SPTLC3: variants seen among roughly 807,000 people sequenced by gnomAD.
SPTLC3 encodes serine palmitoyltransferase 3.
Under a neutral mutation model 59.3 loss-of-function variants are expected in SPTLC3, and 36 were observed. The ratio of observed to expected loss-of-function variants is 0.61; its 90% CI spans 0.47 to 0.80. The LOEUF (loss-of-function observed/expected upper bound fraction) is 0.80, where lower values mean the gene tolerates loss of function less well. Ranked by LOEUF, SPTLC3 falls within the 30% of genes least tolerant of loss-of-function variation. The pLI, the probability that SPTLC3 is intolerant of heterozygous loss-of-function variation, is 0.00. For missense variants in SPTLC3, 625 were observed against 685.1 expected, an observed-to-expected ratio of 0.91 and a Z score of 0.98; for synonymous variants, 257 against 240.8, an observed-to-expected ratio of 1.07 and a Z score of -0.62.
chr20:13,073,890 T>A (rs920902081), intron 3 of SPTLC3: 1 of 551,148 alleles, frequency 1.8e-6, no homozygotes. Context: ...AGGACGGTCC[T>A]GTTTGTTGGT....
At position 13,163,025 on chromosome 20, in the gene SPTLC3, C is replaced by T. The variant is rs141905478; in HGVS notation, c.1546-1729C>T. ...TGATCTATGCAATACCAATATATTA[C>T]GTACATTATATAAGAGACACACAAA... On this transcript the variant is annotated intron_variant, in intron 11 of 11. Transcript: ENST00000399002. Among the ~76,000 whole-genome samples, 70 of 152,196 alleles carry T rather than the reference C, an allele frequency of 4.6e-4. 2 individuals are homozygous for T. In the East Asian group the frequency reaches 0.013, roughly 28 times the overall value.
intron 1 of SPTLC3, among the ~76,000 whole-genome samples, chr20:13,032,233 G>A (rs887238455): frequency 4.6e-5 from 7 of 152,120 alleles, no homozygotes; most frequent in African/African-American, 1.7e-4. Context: ...TCAGAATAAT[G>A]CAGCCATTGC....
intron 4 of SPTLC3, 55 bp downstream of exon 4, chr20:13,074,552 G>A: frequency 6.5e-7 from 1 of 1,546,522 alleles, no homozygotes. Flanking sequence ...GATTCCTTGT[G>A]TCTGTCTCTC....
At chr20:13,034,945 A>C (rs1986669706) in intron 1 of SPTLC3, among the ~76,000 whole-genome samples, 1 of 152,068 alleles carries the variant, frequency 6.6e-6, no homozygotes, top group South Asian at 2.1e-4. Context: ...ATCTATCCTG[A>C]TGTTCTCAAT....
intron 2 of SPTLC3, among the ~76,000 whole-genome samples, chr20:13,061,256 T>A (rs921568895): frequency 6.6e-6 from 1 of 152,186 alleles, no homozygotes; most frequent in Non-Finnish European, 1.5e-5. Flanking sequence ...GAAAGCTGCA[T>A]ATCATCACAG....
At chr20:13,043,707 T>C (rs1009947546) in intron 1 of SPTLC3, among the ~76,000 whole-genome samples, 1 of 152,208 alleles carries the variant, frequency 6.6e-6, no homozygotes, top group African/African-American at 2.4e-5. Flanking sequence ...TAAGCTCCTA[T>C]ATACACTCAG....
intron 1 of SPTLC3, among the ~76,000 whole-genome samples, chr20:13,015,830 A>C (rs138451913): frequency 7.1e-4 from 108 of 152,262 alleles, no homozygotes; most frequent in African/African-American, 2.5e-3. Flanking sequence ...TTAAAGTATA[A>C]GAAAATATCA....
intron 1 of SPTLC3, among the ~76,000 whole-genome samples, chr20:13,040,579 C>T (rs1273994908): frequency 2.0e-5 from 3 of 151,986 alleles, no homozygotes; most frequent in Non-Finnish European, 2.9e-5. Flanking sequence ...AGGATGGTCT[C>T]GATCTCCTAA....
At chr20:13,085,564 TG>T (rs1386921564) in intron 4 of SPTLC3, among the ~76,000 whole-genome samples, 6 of 152,172 alleles carry the variant, frequency 3.9e-5, no homozygotes, top group African/African-American at 1.4e-4. Flanking sequence ...GGACCAAAAG[TG>T]GCTACGGTTA....
At chr20:13,053,734 G>A (rs182416141) in intron 2 of SPTLC3, among the ~76,000 whole-genome samples, 9 of 152,078 alleles carry the variant, frequency 5.9e-5, no homozygotes, top group Non-Finnish European at 7.4e-5. Flanking sequence ...CAAAAACTTC[G>A]TGAAGCATAC....
chr20:13,158,429 G>A (rs1470135769), intron 10 of SPTLC3, among the ~76,000 whole-genome samples: 5 of 152,144 alleles, frequency 3.3e-5, no homozygotes, highest in African/African-American at 1.2e-4. Context: ...TTGGCAAAAC[G>A]TGCTTCCTTT....
chr20:13,155,955 T>C (rs2038759095), intron 10 of SPTLC3, among the ~76,000 whole-genome samples: 1 of 152,218 alleles, frequency 6.6e-6, no homozygotes, highest in Non-Finnish European at 1.5e-5. Flanking sequence ...ACAGACATGT[T>C]ATATATCATA....
At chr20:13,036,639 T>C (rs778310888) in intron 1 of SPTLC3, among the ~76,000 whole-genome samples, 1 of 152,122 alleles carries the variant, frequency 6.6e-6, no homozygotes, top group African/African-American at 2.4e-5. Flanking sequence ...GATTTTTGAC[T>C]GCACAGAAGG....
At chr20:13,063,623 A>T (rs1270570503) in intron 2 of SPTLC3, among the ~76,000 whole-genome samples, 2 of 149,230 alleles carry the variant, frequency 1.3e-5, no homozygotes, top group East Asian at 3.9e-4. Context: ...ACTATTTTTT[A>T]AATTTTTTTT....
chr20:13,120,526 T>C (rs980888023), intron 8 of SPTLC3, among the ~76,000 whole-genome samples: 18 of 152,196 alleles, frequency 1.2e-4, no homozygotes, highest in African/African-American at 4.3e-4. Context: ...CTCTTAACTC[T>C]CTTTTTAAGT....
In SPTLC3 at chr20:13,078,214, AAT is replaced by A. The variant is rs1405069385; in HGVS notation, c.607+3721_607+3722del. Among the ~76,000 whole-genome samples the A allele has an allele frequency of 2.1e-4, 12 of 55,954 alleles. No homozygotes were observed. The East Asian group carries it at 3.0e-3, about 14-fold the overall frequency. 36.7% of individuals were successfully genotyped at this position (55,954 alleles called of 152,430 possible). ...TAAATATAAATATTTTATAAGTAATAATATAATATTATACATAGTATATATAA... is the reference window on the plus strand; with the variant it reads ...TAAATATAAATATTTTATAAGTAATAATAATATTATACATAGTATATATAA... On this transcript the variant is annotated intron_variant, in intron 4 of 11. Transcript: ENST00000399002.
chr20:13,050,733 G>C (rs952195472), intron 2 of SPTLC3: 1 of 152,182 alleles, frequency 6.6e-6, no homozygotes, highest in Non-Finnish European at 1.5e-5. Flanking sequence ...TTTCTCAGCA[G>C]AAACCCTACA....
intron 7 of SPTLC3, among the ~76,000 whole-genome samples, chr20:13,110,570 T>A (rs1451864173): frequency 6.6e-6 from 1 of 152,164 alleles, no homozygotes; most frequent in African/African-American, 2.4e-5. Context: ...CTCCTTGCCT[T>A]TATGACTGGT....
At chr20:13,059,723 C>A (rs752753330) in intron 2 of SPTLC3, among the ~76,000 whole-genome samples, 5 of 152,178 alleles carry the variant, frequency 3.3e-5, no homozygotes, top group Non-Finnish European at 5.9e-5. Context: ...GTACTGCCTC[C>A]AATATCTCTT....
Sources: allele counts gnomAD v4.1 joint callset (sites outside exome capture counted in the v4.1 genomes callset), GRCh38; gene constraint gnomAD v4.1.1; transcripts MANE v1.5; gene names NCBI Gene and HGNC (gene_info 2026-07-23, HGNC 2026-07-21).